Variants in APOBEC3F observed in about 807,000 individuals in gnomAD.
APOBEC3F encodes the protein apolipoprotein B mRNA editing enzyme catalytic subunit 3F.
A neutral mutation model predicts 45.8 loss-of-function variants in APOBEC3F; 34 were observed. The ratio of observed to expected loss-of-function variants is 0.74; its 90% CI spans 0.57 to 0.99. The LOEUF (loss-of-function observed/expected upper bound fraction) is 0.99, where lower values mean the gene tolerates loss of function less well. Ranked by LOEUF, APOBEC3F falls within the 50% of genes least tolerant of loss-of-function variation. APOBEC3F has a pLI of 0.00. For missense variants in APOBEC3F, 459 were observed against 474.1 expected, an observed-to-expected ratio of 0.97 and a Z score of 0.30; for synonymous variants, 192 against 174.4, an observed-to-expected ratio of 1.10 and a Z score of -0.80.
intron 2 of APOBEC3F, 112 bp downstream of exon 2, chr22:39,043,202 C>T: frequency 1.4e-6 from 2 of 1,383,286 alleles, no homozygotes; most frequent in Non-Finnish European, 1.9e-6. Flanking sequence ...GTGTCCTTCT[C>T]TCCCACACTT....
rs1232660858 is a variant in APOBEC3F, at chr22:39,054,223, G to A, written c.*1528G>A. On this transcript the variant is annotated 3_prime_UTR_variant, in exon 7 of 7. Transcript: ENST00000308521. The stretch of plus-strand genomic sequence containing the variant: ...AAACGGGTTTCATCATGTTTCCCAG[G>A]CTGGTCTTATTTTTATTTTATTTTT... 1.3e-5 allele frequency among the ~76,000 whole-genome samples: 2 copies of A among 151,664 alleles called. No homozygotes were observed. Among genetic ancestry groups the A allele is most frequent in the African/African-American group, 4.8e-5 (2 of 41,264 alleles).
chr22:39,052,985 AATAT>A lies in APOBEC3F; in HGVS notation c.*291_*294del. The stretch of plus-strand genomic sequence containing the variant: ...TTTTCCCATCTCCCCAGCATAACCT[AATAT>A]TTTTTTTTTTTTTTTGAGACGGAAT... On this transcript the variant is annotated 3_prime_UTR_variant, in exon 7 of 7. Transcript: ENST00000308521. 2.9e-6 allele frequency: 1 copy of A among 344,126 alleles called. No individual in the cohort carries two copies. The highest frequency in any genetic ancestry group is 4.6e-6 in the Non-Finnish European group (1 of 217,884). The allele number at this position is 344,126 out of a possible 1,614,324, so 21.3% of individuals were successfully genotyped here. A position where few individuals can be genotyped will look rare whatever the true frequency, so the allele number is the denominator to read the frequency against.
Position 39,054,754 on chromosome 22 carries a change from C to T in APOBEC3F, c.*2059C>T. Among the ~76,000 whole-genome samples the T allele has an allele frequency of 6.6e-6, 1 of 152,186 alleles. No homozygotes were observed. The highest frequency in any genetic ancestry group is 1.9e-4 in the East Asian group (1 of 5,202). The stretch of plus-strand genomic sequence containing the variant: ...AATGTGAAATTTAGAGGCCCTTCTC[C>T]ACACTTTAAATTTGACTTGACATTT... On this transcript the variant is annotated 3_prime_UTR_variant, in exon 7 of 7. Transcript: ENST00000308521.
rs139598439 is a variant in APOBEC3F at position 39,047,861 on chromosome 22, T to C, written c.567-1564T>C. ...CTGAGAAAATTGAACCAAAGGATGA[T>C]TGGAGCAATCAGGCATTTTGTTCTC... On this transcript the variant is annotated intron_variant, in intron 4 of 6. Coordinates refer to ENST00000308521, the MANE Select transcript of APOBEC3F (RefSeq NM_145298.6). Among the ~76,000 whole-genome samples, 315 of 152,250 alleles carry C rather than the reference T, an allele frequency of 2.1e-3. 1 individual carries two copies. The highest frequency in any genetic ancestry group is 7.2e-3 in the African/African-American group (298 of 41,546).
intron 1 of APOBEC3F, among the ~76,000 whole-genome samples, chr22:39,041,753 T>C (rs752238024): frequency 6.6e-6 from 1 of 151,512 alleles, no homozygotes; most frequent in South Asian, 2.1e-4. Flanking sequence ...ATCCAGCTAC[T>C]CCACAGGCTG....
intron 4 of APOBEC3F, 108 bp downstream of exon 4, chr22:39,045,650 GC>G: frequency 6.4e-7 from 1 of 1,567,276 alleles, no homozygotes; most frequent in Non-Finnish European, 8.7e-7. Flanking sequence ...CCCCCTGCCT[GC>G]CCTCATGGTT....
chr22:39,046,656 C>T (rs1307074428), intron 4 of APOBEC3F, among the ~76,000 whole-genome samples: 1 of 150,814 alleles, frequency 6.6e-6, no homozygotes, highest in East Asian at 1.9e-4. Context: ...CTCCCTCTGT[C>T]GCCCAGGCTG....
intron 1 of APOBEC3F, among the ~76,000 whole-genome samples, chr22:39,041,536 T>C (rs1016168416): frequency 1.3e-5 from 2 of 152,070 alleles, no homozygotes; most frequent in African/African-American, 4.8e-5. Context: ...TCCTCCACTA[T>C]CAGCATTCAC....
Position 39,045,557 on chromosome 22 carries a change from C to T in APOBEC3F, c.566+15C>T. On this transcript the variant is annotated intron_variant, in intron 4 of 6. Transcript: ENST00000308521. Reference sequence around the variant, plus strand: ...GAGATTCTCAGGTGAGGGTCTCCCTCTGGCCTCATCGTCTGTCTCCTCTCG... The same window carrying T: ...GAGATTCTCAGGTGAGGGTCTCCCTTTGGCCTCATCGTCTGTCTCCTCTCG... 1 of 1,613,998 alleles carries T rather than the reference C, an allele frequency of 6.2e-7. No homozygotes were observed. The highest frequency in any genetic ancestry group is 1.1e-5 in the South Asian group (1 of 91,084).
Position 39,054,001 on chromosome 22 carries a change from A to C in APOBEC3F, c.*1306A>C, listed in dbSNP as rs1169403779. The stretch of plus-strand genomic sequence containing the variant: ...ATGGGCTTTCCCATAGGACAAGAGA[A>C]CATTTCTCCTTTTCTTTTTTTTTTT... On this transcript the variant is annotated 3_prime_UTR_variant, in exon 7 of 7. Coordinates refer to ENST00000308521, the MANE Select transcript of APOBEC3F (RefSeq NM_145298.6). 2 of 151,708 alleles carry C rather than the reference A, an allele frequency of 1.3e-5. No individual in the cohort carries two copies. Among genetic ancestry groups the C allele is most frequent in the Non-Finnish European group, 2.9e-5 (2 of 67,948 alleles). 9.4% of individuals were successfully genotyped at this position (151,708 alleles called of 1,614,324 possible).
Position 39,053,536 on chromosome 22 carries a change from G to A in APOBEC3F, c.*841G>A, listed in dbSNP as rs895200235. 8 of 151,986 alleles carry A rather than the reference G, an allele frequency of 5.3e-5. No homozygotes were observed. Among genetic ancestry groups the A allele is most frequent in the African/African-American group, 1.9e-4 (8 of 41,380 alleles). The allele number at this position is 151,986 out of a possible 1,614,324, so 9.4% of individuals were successfully genotyped here. On this transcript the variant is annotated 3_prime_UTR_variant, in exon 7 of 7. Coordinates refer to ENST00000308521, the MANE Select transcript of APOBEC3F (RefSeq NM_145298.6). ...AGGATGAAGTGGGAGGATTGCTTGAGCCGGGGAGGTGGAGGCTGCAGTGAA... is the reference window on the plus strand; with the variant it reads ...AGGATGAAGTGGGAGGATTGCTTGAACCGGGGAGGTGGAGGCTGCAGTGAA...
intron 5 of APOBEC3F, among the ~76,000 whole-genome samples, chr22:39,050,591 A>G (rs924750874): frequency 6.6e-6 from 1 of 151,316 alleles, no homozygotes; most frequent in Admixed American, 6.6e-5. Flanking sequence ...CATTAGCTCA[A>G]TTATCTCACA....
rs201305190 is a variant in APOBEC3F, at chr22:39,052,590, T to C, written c.1017T>C (p.Cys339=). 1.9e-6 allele frequency: 3 copies of C among 1,612,758 alleles called. No homozygotes were observed. The African/African-American group carries it at 4.0e-5, about 22-fold the overall frequency. Residue 339 remains cysteine (C), a synonymous_variant, in exon 7 of 7, where the codon TGT becomes TGC. Coordinates refer to ENST00000308521, the MANE Select transcript of APOBEC3F (RefSeq NM_145298.6). ...EIMGYKDFKY[C]WENFVYNDDE... ...GTTTTTTCTCAGATTTTAAATATTG[T>C]TGGGAAAACTTTGTGTACAATGATG...
At position 39,040,975 on chromosome 22, in the gene APOBEC3F, C is replaced by A. The variant is rs769361978; in HGVS notation, c.15C>A (p.Phe5Leu). 2 of 1,584,778 alleles carry A rather than the reference C, an allele frequency of 1.3e-6. No individual in the cohort carries two copies. Among genetic ancestry groups the A allele is most frequent in the South Asian group, 2.3e-5 (2 of 86,942 alleles). Residue 5 changes from phenylalanine to leucine, a missense_variant and splice_region_variant, in exon 1 of 7, where the codon TTC becomes TTA. Phe to Leu is a conservative substitution (Grantham distance 22, BLOSUM62 0). Transcript: ENST00000308521. ...GCCGGCCAAGGATGAAGCCTCACTT[C>A]AGGTACCGCTGCCCGCTCTACCCGC... MKPH[F>L]RNTVERMYRD...
At position 39,042,979 on chromosome 22, in the gene APOBEC3F, CTT is replaced by C; in HGVS notation, c.63_64del (p.Phe21LeufsTer2). On this transcript the variant is annotated frameshift_variant, in exon 2 of 7. Coordinates refer to ENST00000308521, the MANE Select transcript of APOBEC3F (RefSeq NM_145298.6). LOFTEE classifies it high-confidence loss of function. Reference protein sequence around the residue: ...RMYRDTFSYNFYNRPILSRRN... With the variant: ...RMYRDTFSYNXYNRPILSRRN... ...TGTATCGAGACACATTCTCCTACAA[CTT>C]TTATAATAGACCCATCCTTTCTCGT... 1 of 1,614,148 alleles carries C rather than the reference CTT, an allele frequency of 6.2e-7. No individual in the cohort carries two copies.
At position 39,055,820 on chromosome 22, in the gene APOBEC3F, G is replaced by A. The variant is rs1701992177; in HGVS notation, c.*3125G>A. Among the ~76,000 whole-genome samples, 1 of 152,004 alleles carries A rather than the reference G, an allele frequency of 6.6e-6. No individual in the cohort carries two copies. The highest frequency in any genetic ancestry group is 2.4e-5 in the African/African-American group (1 of 41,372). ...ATGCATGTAGCCCCCCAGTCACGTAGCCCACGCTTGCACAATCTATCACGA... is the reference window on the plus strand; with the variant it reads ...ATGCATGTAGCCCCCCAGTCACGTAACCCACGCTTGCACAATCTATCACGA... On this transcript the variant is annotated 3_prime_UTR_variant, in exon 7 of 7. Coordinates refer to ENST00000308521, the MANE Select transcript of APOBEC3F (RefSeq NM_145298.6).
Position 39,054,256 on chromosome 22 carries a change from G to A in APOBEC3F, c.*1561G>A, listed in dbSNP as rs1927623193. ...TATTTTTATTTTATTTTTTGAGATG[G>A]AGTCTTGCTCTGTTGCCCAGGCTGG... is the stretch of plus-strand genomic sequence containing the variant. On this transcript the variant is annotated 3_prime_UTR_variant, in exon 7 of 7. Coordinates refer to ENST00000308521, the MANE Select transcript of APOBEC3F (RefSeq NM_145298.6). 6.6e-6 allele frequency among the ~76,000 whole-genome samples: 1 copy of A among 151,928 alleles called. No individual in the cohort carries two copies. Among genetic ancestry groups the A allele is most frequent in the Non-Finnish European group, 1.5e-5 (1 of 67,964 alleles).
chr22:39,043,974 G>A (rs1321239670), intron 2 of APOBEC3F: 34 of 1,408,510 alleles, frequency 2.4e-5, no homozygotes, highest in East Asian at 1.1e-4. Flanking sequence ...GTAGTGAGCC[G>A]AGATTGCATC....
At position 39,052,966 on chromosome 22, in the gene APOBEC3F, C is replaced by A; in HGVS notation, c.*271C>A. ...TGCATGCCCCTAACCTGCCTTTTCCCATCTCCCCAGCATAACCTAATATTT... is the reference window on the plus strand; with the variant it reads ...TGCATGCCCCTAACCTGCCTTTTCCAATCTCCCCAGCATAACCTAATATTT... On this transcript the variant is annotated 3_prime_UTR_variant, in exon 7 of 7. Transcript: ENST00000308521. 1.9e-6 allele frequency: 1 copy of A among 536,972 alleles called. No homozygotes were observed. Among genetic ancestry groups the A allele is most frequent in the Non-Finnish European group, 2.8e-6 (1 of 363,502 alleles). 33.3% of individuals were successfully genotyped at this position (536,972 alleles called of 1,614,324 possible). A position where few individuals can be genotyped will look rare whatever the true frequency, so the allele number is the denominator to read the frequency against.
Sources: gnomAD v4.1 joint callset for allele counts (sites outside exome capture counted in the v4.1 genomes callset) on GRCh38, gnomAD v4.1.1 for gene constraint, MANE v1.5 for transcripts, NCBI Gene and HGNC (gene_info 2026-07-23, HGNC 2026-07-21) for gene names.